ANKRD44: variants seen among roughly 807,000 people sequenced by gnomAD.
ANKRD44 encodes the protein ankyrin repeat domain 44, also known as serine/threonine-protein phosphatase 6 regulatory ankyrin repeat subunit B.
Under a neutral mutation model 116.0 loss-of-function variants are expected in ANKRD44, and 35 were observed. The ratio of observed to expected loss-of-function variants is 0.30; its 90% CI spans 0.23 to 0.40. The LOEUF (loss-of-function observed/expected upper bound fraction) is 0.40. Among genes scored for constraint, ANKRD44 ranks in the 10% least tolerant of loss-of-function variants. The pLI is 1.00. For missense variants in ANKRD44, 1,014 were observed against 1,242.6 expected, an observed-to-expected ratio of 0.82 and a Z score of 2.77; for synonymous variants, 435 against 461.8, an observed-to-expected ratio of 0.94 and a Z score of 0.74.
intron 1 of ANKRD44, among the ~76,000 whole-genome samples, chr2:197,237,090 G>A (rs936424375): frequency 6.6e-6 from 1 of 152,124 alleles, no homozygotes; most frequent in Non-Finnish European, 1.5e-5. Flanking sequence ...GAGCAAACTC[G>A]ACTCCTTTAA....
rs1440686863 is a variant in ANKRD44, at chr2:197,083,364, T to G, written c.1457+5A>C. ...CAGAGGAAGCATGAGCAAGGCTGTT[T>G]TTACTTTCTATCCATGTCTGATGCA... On this transcript the variant is annotated splice_donor_5th_base_variant and intron_variant, in intron 14 of 27. Transcript: ENST00000282272. 1.2e-6 allele frequency: 2 copies of G among 1,611,122 alleles called. No individual in the cohort carries two copies. Among genetic ancestry groups the G allele is most frequent in the Admixed American group, 1.7e-5 (1 of 59,818 alleles).
chr2:197,288,418 G>GGC (rs1333387867), intron 1 of ANKRD44, among the ~76,000 whole-genome samples: 3 of 152,066 alleles, frequency 2.0e-5, no homozygotes, highest in Admixed American at 6.6e-5. Context: ...AGAACAGCAT[G>GGC]GCAATCTCTC....
chr2:197,035,761 C>T (rs933401396), intron 16 of ANKRD44, among the ~76,000 whole-genome samples: 6 of 149,462 alleles, frequency 4.0e-5, no homozygotes, highest in South Asian at 2.2e-4. Flanking sequence ...AGCCAGTACT[C>T]GTCAAGCTAT....
chr2:197,059,870 C>T (rs2077274460), intron 16 of ANKRD44, among the ~76,000 whole-genome samples: 3 of 152,230 alleles, frequency 2.0e-5, no homozygotes, highest in African/African-American at 4.8e-5. Flanking sequence ...TGATATTCAA[C>T]TTGTCAAACC....
At chr2:196,969,732 T>A (rs1175719991) in intron 21 of ANKRD44, among the ~76,000 whole-genome samples, 1 of 152,220 alleles carries the variant, frequency 6.6e-6, no homozygotes, top group East Asian at 1.9e-4. Context: ...AATATTTATT[T>A]TAAGACATTG....
intron 16 of ANKRD44, among the ~76,000 whole-genome samples, chr2:197,065,937 TA>T (rs1275241656): frequency 6.6e-6 from 1 of 152,212 alleles, no homozygotes; most frequent in East Asian, 1.9e-4. Flanking sequence ...TAACTCATTT[TA>T]CGAGGCCAGC....
At chr2:197,132,463 G>A (rs1302228393) in intron 4 of ANKRD44, among the ~76,000 whole-genome samples, 1 of 152,152 alleles carries the variant, frequency 6.6e-6, no homozygotes, top group African/African-American at 2.4e-5. Context: ...ACATACTCAG[G>A]AAATGAACTT....
chr2:196,967,890 G>A (rs979287068), intron 21 of ANKRD44, among the ~76,000 whole-genome samples: 1 of 149,810 alleles, frequency 6.7e-6, no homozygotes, highest in African/African-American at 2.4e-5. Flanking sequence ...GGGTCATTGG[G>A]GTGGATCCCT....
intron 9 of ANKRD44, 21 bp downstream of exon 9, chr2:197,110,745 C>G: frequency 6.3e-7 from 1 of 1,598,182 alleles, no homozygotes; most frequent in Non-Finnish European, 8.6e-7. Flanking sequence ...AATAATGACA[C>G]TACTGAAGCA....
At chr2:197,051,003 C>T (rs551837655) in intron 16 of ANKRD44, among the ~76,000 whole-genome samples, 128 of 141,878 alleles carry the variant, frequency 9.0e-4, no homozygotes, top group African/African-American at 3.3e-3. Context: ...GGCTCTGTTG[C>T]CCATGCTGCA....
At position 197,310,634 on chromosome 2, in the gene ANKRD44, C is replaced by G; in HGVS notation, c.-30G>C. On this transcript the variant is annotated 5_prime_UTR_variant, in exon 1 of 28. Transcript: ENST00000282272. ...CCGCTCCTTCGCGCGCACACACATG[C>G]AGGTCCCCGGCCCGCAGATGTCACG... 2 of 1,335,242 alleles carry G rather than the reference C, an allele frequency of 1.5e-6. No individual in the cohort carries two copies. The highest frequency in any genetic ancestry group is 7.7e-5 in the East Asian group (2 of 26,036). The allele number at this position is 1,335,242 out of a possible 1,614,324, so 82.7% of individuals were successfully genotyped here.
chr2:197,085,549 C>T (rs1259280346), intron 13 of ANKRD44, among the ~76,000 whole-genome samples: 1 of 152,152 alleles, frequency 6.6e-6, no homozygotes, highest in Non-Finnish European at 1.5e-5. Flanking sequence ...GGTCAAAACC[C>T]ACCAAAACCA....
At chr2:197,132,241 G>C (rs1034290767) in intron 4 of ANKRD44, among the ~76,000 whole-genome samples, 3 of 152,300 alleles carry the variant, frequency 2.0e-5, no homozygotes, top group Non-Finnish European at 4.4e-5. Context: ...GGTAGGAAAG[G>C]GTCGTGGAAT....
chr2:197,206,422 G>T (rs2081207422), intron 1 of ANKRD44, among the ~76,000 whole-genome samples: 1 of 152,202 alleles, frequency 6.6e-6, no homozygotes, highest in South Asian at 2.1e-4. Context: ...AGTGGCTCGT[G>T]CCTGTAATCC....
intron 1 of ANKRD44, among the ~76,000 whole-genome samples, chr2:197,268,750 C>T (rs2082807562): frequency 6.6e-6 from 1 of 152,182 alleles, no homozygotes; most frequent in South Asian, 2.1e-4. Context: ...CTTAAGGAAT[C>T]AGCCTGGACT....
Position 197,013,690 on chromosome 2 carries a change from G to C in ANKRD44, c.1745C>G (p.Ala582Gly), listed in dbSNP as rs776570010. 3.1e-6 allele frequency: 5 copies of C among 1,613,018 alleles called. No individual in the cohort carries two copies. Among genetic ancestry groups the C allele is most frequent in the Non-Finnish European group, 4.2e-6 (5 of 1,180,048 alleles). ...HLAAYNGHHQ[A>G]LEVLLQSLVD... Reference sequence around the variant, plus strand: ...CAACGACTGCAGAAGGACTTCCAAGGCTTGATGGTGCCCATTGTAGGCCTG... The same window carrying C: ...CAACGACTGCAGAAGGACTTCCAAGCCTTGATGGTGCCCATTGTAGGCCTG... The change falls in exon 18 of 28, where the codon GCC (alanine) becomes GGC (glycine). Residue 582 changes from alanine to glycine, a missense_variant. Physicochemically the swap from Ala to Gly is moderately conservative, Grantham distance 60. Transcript: ENST00000282272.
chr2:196,993,458 C>T, intron 27 of ANKRD44, 125 bp downstream of exon 27: 1 of 743,448 alleles, frequency 1.3e-6, no homozygotes, highest in African/African-American at 1.8e-5. Flanking sequence ...TTCTCACACA[C>T]AGGACTTCCA....
chr2:197,254,620 CACACACACACATAT>C (rs1351728221), intron 1 of ANKRD44, among the ~76,000 whole-genome samples: 1 of 139,128 alleles, frequency 7.2e-6, no homozygotes, highest in East Asian at 1.9e-4. Flanking sequence ...CACACACACA[CACACACACACATAT>C]ATATATTTGC....
intron 1 of ANKRD44, among the ~76,000 whole-genome samples, chr2:197,230,966 C>T (rs1374142625): frequency 6.6e-6 from 1 of 152,186 alleles, no homozygotes; most frequent in Non-Finnish European, 1.5e-5. Flanking sequence ...TGGCTCTACC[C>T]ACCTGAAAGA....
Sources: allele counts gnomAD v4.1 joint callset (sites outside exome capture counted in the v4.1 genomes callset), GRCh38; gene constraint gnomAD v4.1.1; transcripts MANE v1.5; gene names NCBI Gene and HGNC (gene_info 2026-07-23, HGNC 2026-07-21).